CNBD1: variants seen among roughly 807,000 people sequenced by gnomAD.
CNBD1 encodes cyclic nucleotide binding domain containing 1.
Under a neutral mutation model 54.4 loss-of-function variants are expected in CNBD1, and 71 were observed. The observed-to-expected ratio is 1.30, with a 90% CI of 1.08 to 1.59. The LOEUF (loss-of-function observed/expected upper bound fraction) is 1.59. Ranked by LOEUF, CNBD1 falls within the 40% of genes most tolerant of loss-of-function variation. The pLI, the probability that CNBD1 is intolerant of heterozygous loss-of-function variation, is 0.00. For synonymous variants in CNBD1, 182 were observed against 170.7 expected (o/e 1.07, Z -0.51); for missense variants, 659 against 518.0 (o/e 1.27, Z -2.64).
chr8:87,370,681 T>A (rs1791070037), intron 10 of CNBD1, among the ~76,000 whole-genome samples: 1 of 151,224 alleles, frequency 6.6e-6, no homozygotes, highest in Non-Finnish European at 1.5e-5. Context: ...GTAGGTTGCC[T>A]GTTCACTCTG....
chr8:87,053,103 G>T (rs759501687), intron 4 of CNBD1, among the ~76,000 whole-genome samples: 4 of 152,110 alleles, frequency 2.6e-5, no homozygotes, highest in African/African-American at 7.2e-5. Context: ...TCTGATTTTG[G>T]GGAATCATCC....
At chr8:87,155,371 G>A (rs1270986257) in intron 4 of CNBD1, among the ~76,000 whole-genome samples, 2 of 152,134 alleles carry the variant, frequency 1.3e-5, no homozygotes, top group African/African-American at 4.8e-5. Context: ...TTAGATAGCA[G>A]TGTAGAAGAT....
intron 4 of CNBD1, among the ~76,000 whole-genome samples, chr8:87,049,489 CAAT>C (rs2130621623): frequency 6.6e-6 from 1 of 152,258 alleles, no homozygotes; most frequent in East Asian, 1.9e-4. Flanking sequence ...TGTGCACTCT[CAAT>C]AATGACATTC....
intron 4 of CNBD1, among the ~76,000 whole-genome samples, chr8:87,141,437 C>A (rs1323017538): frequency 6.6e-6 from 1 of 152,192 alleles, no homozygotes; most frequent in Admixed American, 6.6e-5. Context: ...AGTTCAATTA[C>A]TGTGCAGACC....
At chr8:87,143,752 T>C (rs951562379) in intron 4 of CNBD1, among the ~76,000 whole-genome samples, 4 of 152,218 alleles carry the variant, frequency 2.6e-5, no homozygotes, top group African/African-American at 9.6e-5. Context: ...GAAATAGTAA[T>C]GTTTTCTGAT....
chr8:87,061,049 A>T (rs1810534547), intron 4 of CNBD1, among the ~76,000 whole-genome samples: 1 of 152,192 alleles, frequency 6.6e-6, no homozygotes, highest in Admixed American at 6.5e-5. Flanking sequence ...GTGAAAGTCA[A>T]ATTATTCTTT....
intron 6 of CNBD1, among the ~76,000 whole-genome samples, chr8:87,281,273 C>T: frequency 6.6e-6 from 1 of 151,162 alleles, no homozygotes; most frequent in East Asian, 2.0e-4. Context: ...GTAATACATA[C>T]TTTCTATGGC....
intron 4 of CNBD1, among the ~76,000 whole-genome samples, chr8:87,135,650 C>T (rs1216192806): frequency 6.8e-6 from 1 of 147,120 alleles, no homozygotes; most frequent in African/African-American, 2.5e-5. Flanking sequence ...ATTATATATC[C>T]TATATATAAT....
chr8:87,303,390 G>T (rs1381328824), intron 8 of CNBD1, among the ~76,000 whole-genome samples: 3 of 151,862 alleles, frequency 2.0e-5, no homozygotes, highest in African/African-American at 7.3e-5. Context: ...ATGGGGAAAG[G>T]ATTCCCTATT....
chr8:86,974,080 A>C (rs746679707), intron 4 of CNBD1, among the ~76,000 whole-genome samples: 1 of 152,136 alleles, frequency 6.6e-6, no homozygotes, highest in East Asian at 1.9e-4. Flanking sequence ...TTGTCCTGTA[A>C]TTATAATGAT....
At chr8:87,193,194 C>T (rs1295481524) in intron 4 of CNBD1, among the ~76,000 whole-genome samples, 1 of 152,054 alleles carries the variant, frequency 6.6e-6, no homozygotes, top group Non-Finnish European at 1.5e-5. Context: ...TCAAGTTTCC[C>T]ATAGCATATG....
At chr8:87,154,377 T>TGGTGAAGCAGAGGAGGGAAGAACA (rs1812670869) in intron 4 of CNBD1, among the ~76,000 whole-genome samples, 1 of 152,114 alleles carries the variant, frequency 6.6e-6, no homozygotes, top group Non-Finnish European at 1.5e-5. Flanking sequence ...CATCGGAAGC[T>TGGTGAAGCAGAGGAGGGAAGAACA]GGTGAAGCAG....
intron 8 of CNBD1, among the ~76,000 whole-genome samples, chr8:87,320,620 G>T (rs970287307): frequency 1.2e-5 from 1 of 85,028 alleles, no homozygotes; most frequent in Non-Finnish European, 2.4e-5. Flanking sequence ...GTGTGTGTGT[G>T]GGGGGGCGGC....
intron 4 of CNBD1, among the ~76,000 whole-genome samples, chr8:86,995,790 A>C (rs2336866): frequency 0.13 from 19,565 of 152,000 alleles, 1,570 homozygotes; most frequent in East Asian, 0.29. Flanking sequence ...GTTCTGAAAA[A>C]CATACAAAGA....
chr8:87,383,190 G>A (rs1368909559), downstream of CNBD1, among the ~76,000 whole-genome samples: 4 of 151,926 alleles, frequency 2.6e-5, no homozygotes, highest in Non-Finnish European at 4.4e-5. Context: ...TCCTTGATGT[G>A]ATTATATTAT....
intron 6 of CNBD1, among the ~76,000 whole-genome samples, chr8:87,247,232 A>T (rs2130835485): frequency 6.6e-6 from 1 of 152,266 alleles, no homozygotes; most frequent in South Asian, 2.1e-4. Context: ...TCTAGCACGG[A>T]CAAAGTCCAT....
intron 4 of CNBD1, among the ~76,000 whole-genome samples, chr8:87,132,623 A>G (rs1812141499): frequency 6.8e-6 from 1 of 147,722 alleles, no homozygotes; most frequent in South Asian, 2.1e-4. Context: ...TTTATGTATA[A>G]TATATAATGT....
At chr8:87,267,467 C>T (rs545337029) in intron 6 of CNBD1, among the ~76,000 whole-genome samples, 5 of 152,028 alleles carry the variant, frequency 3.3e-5, no homozygotes, top group African/African-American at 9.7e-5. Context: ...TTTTGGAAAA[C>T]GGGTTGGTAT....
downstream of CNBD1, among the ~76,000 whole-genome samples, chr8:87,385,174 C>A (rs1274838735): frequency 6.6e-6 from 1 of 152,150 alleles, no homozygotes; most frequent in Non-Finnish European, 1.5e-5. Context: ...CAGCTCCAGT[C>A]TACACCTCCC....
Sources: gnomAD v4.1 joint callset for allele counts (sites outside exome capture counted in the v4.1 genomes callset) on GRCh38, gnomAD v4.1.1 for gene constraint, MANE v1.5 for transcripts, NCBI Gene and HGNC (gene_info 2026-07-23, HGNC 2026-07-21) for gene names.